Variants in SNX29 observed in about 807,000 individuals in gnomAD.
The protein encoded by SNX29 is sorting nexin-29.
In SNX29, 78 loss-of-function variants were observed where a neutral mutation model predicts 102.1. The observed-to-expected ratio is 0.76, with a 90% CI of 0.64 to 0.92. The LOEUF (loss-of-function observed/expected upper bound fraction) is 0.92, where lower values mean the gene tolerates loss of function less well. Among genes scored for constraint, SNX29 ranks in the 40% least tolerant of loss-of-function variants. The probability of loss-of-function intolerance (pLI) is 0.00; values close to 1 mark genes in which losing one functional copy is unlikely to be tolerated. For synonymous variants in SNX29, 580 were observed against 414.5 expected (o/e 1.40, Z -4.85); for missense variants, 1,280 against 1,061.7 (o/e 1.21, Z -2.86).
At chr16:12,424,692 C>T (rs2084989080) in intron 18 of SNX29, among the ~76,000 whole-genome samples, 1 of 152,100 alleles carries the variant, frequency 6.6e-6, no homozygotes, top group African/African-American at 2.4e-5. Flanking sequence ...TGAAATAGAC[C>T]TTGTTGTTCC....
chr16:12,224,805 A>T (rs1322982003), intron 14 of SNX29, among the ~76,000 whole-genome samples: 1 of 152,128 alleles, frequency 6.6e-6, no homozygotes, highest in African/African-American at 2.4e-5. Flanking sequence ...GTCCTTTTGC[A>T]TGTGTTTACA....
At position 12,572,265 on chromosome 16, in the gene SNX29, G is replaced by C; in HGVS notation, c.*3636G>C. 9.4e-7 allele frequency: 1 copy of C among 1,060,128 alleles called. No homozygotes were observed. Among genetic ancestry groups the C allele is most frequent in the Non-Finnish European group, 1.1e-6 (1 of 875,438 alleles). The allele number at this position is 1,060,128 out of a possible 1,614,324, so 65.7% of individuals were successfully genotyped here. A position where few individuals can be genotyped will look rare whatever the true frequency, so the allele number is the denominator to read the frequency against. ...CAGGTGGATTGATACCATGGCTGTA[G>C]CTGATGCAACTAACAAGTACTGGGG... On this transcript the variant is annotated 3_prime_UTR_variant, in exon 21 of 21. Coordinates refer to ENST00000566228, the MANE Select transcript of SNX29 (RefSeq NM_032167.5).
At chr16:12,089,172 GAA>G (rs773133332) in intron 11 of SNX29, among the ~76,000 whole-genome samples, 2 of 150,260 alleles carry the variant, frequency 1.3e-5, no homozygotes, top group Non-Finnish European at 3.0e-5. Flanking sequence ...AAGAAAGAAA[GAA>G]AAAGTGTGTG....
rs763476209 is a variant in SNX29, at chr16:12,052,189, G to A, written c.1091G>A (p.Arg364Lys). ...EDDVYGNSSG[R>K]KHRGHSESPE... is the part of the protein sequence containing the mutation. ...GACGTGTATGGAAACTCATCAGGAA[G>A]GAAGCACAGGGGCCACTCGGAGTCG... The change falls in exon 8 of 21, where the codon AGG (arginine) becomes AAG (lysine). Residue 364 changes from arginine to lysine, a missense_variant. Coordinates refer to ENST00000566228, the MANE Select transcript of SNX29 (RefSeq NM_032167.5). 1.2e-6 allele frequency: 2 copies of A among 1,613,828 alleles called. No homozygotes were observed. Among genetic ancestry groups the A allele is most frequent in the African/African-American group, 2.7e-5 (2 of 74,916 alleles).
At chr16:12,055,962 A>C (rs1349984982) in intron 8 of SNX29, among the ~76,000 whole-genome samples, 1 of 152,068 alleles carries the variant, frequency 6.6e-6, no homozygotes, top group Admixed American at 6.6e-5. Context: ...AGTTCACTGC[A>C]ACCTCTGCTC....
At chr16:12,063,826 C>T (rs1320684478) in intron 9 of SNX29, among the ~76,000 whole-genome samples, 1 of 151,630 alleles carries the variant, frequency 6.6e-6, no homozygotes, top group Non-Finnish European at 1.5e-5. Context: ...AGGCCTAGCT[C>T]ATGTTTGCAG....
chr16:12,227,761 A>G (rs977096349), intron 14 of SNX29, among the ~76,000 whole-genome samples: 3 of 152,002 alleles, frequency 2.0e-5, no homozygotes, highest in South Asian at 4.2e-4. Context: ...GTAGCCAGGC[A>G]TGGTGGCTCG....
intron 14 of SNX29, among the ~76,000 whole-genome samples, chr16:12,271,916 C>G (rs149642810): frequency 1.3e-5 from 2 of 152,164 alleles, no homozygotes; most frequent in East Asian, 3.8e-4. Flanking sequence ...AACCACTGTG[C>G]CCTGCCTGGG....
chr16:12,112,455 G>A (rs1300336330), intron 11 of SNX29, among the ~76,000 whole-genome samples: 1 of 152,106 alleles, frequency 6.6e-6, no homozygotes. Context: ...TCCCATCCAC[G>A]TGTATTCATG....
At chr16:12,129,602 C>A in intron 12 of SNX29, 28 bp from the exon 13 acceptor site, 1 of 1,593,880 alleles carries the variant, frequency 6.3e-7, no homozygotes. Context: ...TTGACAGCTT[C>A]TGAACAGATG....
intron 14 of SNX29, among the ~76,000 whole-genome samples, chr16:12,224,816 G>C (rs540401693): frequency 6.6e-6 from 1 of 152,134 alleles, no homozygotes; most frequent in East Asian, 1.9e-4. Flanking sequence ...TGTGTTTACA[G>C]TAATGAGCCC....
chr16:12,063,256 G>A (rs867570991), intron 9 of SNX29, among the ~76,000 whole-genome samples: 2 of 152,018 alleles, frequency 1.3e-5, no homozygotes, highest in East Asian at 1.9e-4. Context: ...GAGCTGGGGC[G>A]TTGGCATGGA....
Position 12,573,711 on chromosome 16 carries a change from T to A in SNX29, c.*5082T>A, listed in dbSNP as rs147949386. 106 of 223,454 alleles carry A rather than the reference T, an allele frequency of 4.7e-4. 1 individual carries two copies. Among genetic ancestry groups the A allele is most frequent in the African/African-American group, 2.1e-3 (95 of 44,906 alleles). 13.8% of individuals were successfully genotyped at this position (223,454 alleles called of 1,614,324 possible). ...TTGCAAAAATTGGGACTGAGGACAG[T>A]AGCACACGGAATGGTGGATCGTACA... On this transcript the variant is annotated 3_prime_UTR_variant, in exon 21 of 21. Coordinates refer to ENST00000566228, the MANE Select transcript of SNX29 (RefSeq NM_032167.5).
At chr16:12,476,419 T>TATATATATAC (rs2087636894) in intron 18 of SNX29, among the ~76,000 whole-genome samples, 2 of 41,212 alleles carry the variant, frequency 4.9e-5, no homozygotes, top group African/African-American at 8.9e-5. Flanking sequence ...TATACATATA[T>TATATATATAC]ATATATATAT....
Position 11,995,647 on chromosome 16 carries a change from A to T in SNX29, c.8-3650A>T, listed in dbSNP as rs1036483091. ...ATAATCAGTAGAGCAAAATACTCTT[A>T]AAAAAAAAAAAAAAAAAGACATCGA... On this transcript the variant is annotated intron_variant, in intron 1 of 20. Transcript: ENST00000566228. Among the ~76,000 whole-genome samples the T allele has an allele frequency of 7.7e-4, 73 of 95,376 alleles. 1 individual carries two copies. The highest frequency in any genetic ancestry group is 5.5e-3 in the Admixed American group (58 of 10,564). 62.6% of individuals were successfully genotyped at this position (95,376 alleles called of 152,430 possible). A position where few individuals can be genotyped will look rare whatever the true frequency, so the allele number is the denominator to read the frequency against.
intron 20 of SNX29, among the ~76,000 whole-genome samples, chr16:12,557,100 C>T (rs554389676): frequency 6.6e-6 from 1 of 151,264 alleles, no homozygotes; most frequent in South Asian, 2.1e-4. Flanking sequence ...CTAGCTGCCT[C>T]AACCTCCGAA....
At chr16:12,489,546 CATG>C (rs1366863402) in intron 19 of SNX29, among the ~76,000 whole-genome samples, 1 of 152,216 alleles carries the variant, frequency 6.6e-6, no homozygotes, top group African/African-American at 2.4e-5. Flanking sequence ...TCAGCTGTCA[CATG>C]GTGGTGAGCA....
At chr16:12,564,527 G>A (rs2078909131) in intron 20 of SNX29, among the ~76,000 whole-genome samples, 1 of 152,206 alleles carries the variant, frequency 6.6e-6, no homozygotes. Context: ...TTCTGACTCT[G>A]AATATGGAGT....
At chr16:12,307,654 A>G (rs1442086625) in intron 15 of SNX29, among the ~76,000 whole-genome samples, 1 of 152,196 alleles carries the variant, frequency 6.6e-6, no homozygotes, top group Non-Finnish European at 1.5e-5. Flanking sequence ...AGGGTCATGA[A>G]TGGTCTTGGA....
Sources: allele counts gnomAD v4.1 joint callset (sites outside exome capture counted in the v4.1 genomes callset), GRCh38; gene constraint gnomAD v4.1.1; transcripts MANE v1.5; gene names NCBI Gene and HGNC (gene_info 2026-07-23, HGNC 2026-07-21).